Variants in RANBP17 observed in about 807,000 individuals in gnomAD.
RANBP17 encodes the protein ran-binding protein 17.
RANBP17 carries 158 observed loss-of-function variants against 141.2 expected under a neutral mutation model. The ratio of observed to expected loss-of-function variants is 1.12; its 90% confidence interval spans 0.98 to 1.28. The LOEUF is 1.28. Ranked by LOEUF, RANBP17 falls within the 50% of genes most tolerant of loss-of-function variation. The pLI, the probability that RANBP17 is intolerant of heterozygous loss-of-function variation, is 0.00. For synonymous variants in RANBP17, 430 were observed against 450.0 expected (o/e 0.96, Z 0.56); for missense variants, 1,438 against 1,290.7 (o/e 1.11, Z -1.75).
chr5:171,046,706 A>G (rs966890554), intron 14 of RANBP17, among the ~76,000 whole-genome samples: 5 of 152,190 alleles, frequency 3.3e-5, no homozygotes, highest in African/African-American at 1.2e-4. Context: ...AAAAAAATAC[A>G]CAAAATTATA....
intron 14 of RANBP17, among the ~76,000 whole-genome samples, chr5:171,107,355 T>C (rs1754921661): frequency 6.6e-6 from 1 of 152,222 alleles, no homozygotes; most frequent in African/African-American, 2.4e-5. Context: ...TCCCTACGAC[T>C]CTGTTCTAGA....
rs768054206 is a variant in RANBP17 at position 171,299,982 on chromosome 5, A to G, written c.*1124A>G. On this transcript the variant is annotated 3_prime_UTR_variant, in exon 28 of 28. Transcript: ENST00000523189. ...GAAAGGTTGGCCTTACTGTTGAACA[A>G]TAAGTAAATCCACAGGCTCCTGTTG... is the stretch of plus-strand genomic sequence containing the variant. 7.9e-5 allele frequency: 15 copies of G among 188,888 alleles called. No homozygotes were observed. Among genetic ancestry groups the G allele is most frequent in the African/African-American group, 4.7e-5 (2 of 42,990 alleles). 11.7% of individuals were successfully genotyped at this position (188,888 alleles called of 1,614,324 possible).
At chr5:170,954,593 A>G (rs562886742) in intron 13 of RANBP17, among the ~76,000 whole-genome samples, 6 of 148,692 alleles carry the variant, frequency 4.0e-5, no homozygotes, top group Admixed American at 6.8e-5. Flanking sequence ...AATCAAATGC[A>G]ATATCAACAT....
rs758225041 is a variant in RANBP17, at chr5:170,892,570, A to G, written c.423+17A>G. ...TTTCTCCAGGTAAGAAGTCATTGCTACATGGTTAGAACATCACTACTTGCT... is the reference window on the plus strand; with the variant it reads ...TTTCTCCAGGTAAGAAGTCATTGCTGCATGGTTAGAACATCACTACTTGCT... On this transcript the variant is annotated intron_variant, in intron 4 of 27. Transcript: ENST00000523189. 11 of 1,607,780 alleles carry G rather than the reference A, an allele frequency of 6.8e-6. No individual in the cohort carries two copies. The highest frequency in any genetic ancestry group is 9.3e-6 in the Non-Finnish European group (11 of 1,176,680).
At chr5:171,065,490 G>C (rs1784257378) in intron 14 of RANBP17, among the ~76,000 whole-genome samples, 1 of 152,048 alleles carries the variant, frequency 6.6e-6, no homozygotes, top group Non-Finnish European at 1.5e-5. Context: ...AGGTGATAAT[G>C]CTGGCTTGCC....
At chr5:170,954,894 C>T (rs1775492057) in intron 13 of RANBP17, among the ~76,000 whole-genome samples, 1 of 152,194 alleles carries the variant, frequency 6.6e-6, no homozygotes, top group Non-Finnish European at 1.5e-5. Flanking sequence ...TACTGGTCCA[C>T]AGCCTGTTAG....
chr5:170,945,778 A>G (rs1405237222), intron 12 of RANBP17, among the ~76,000 whole-genome samples: 4 of 152,194 alleles, frequency 2.6e-5, no homozygotes, highest in African/African-American at 4.8e-5. Context: ...AAATTCAGCT[A>G]TATCAACAAG....
chr5:170,949,295 G>A (rs1775015698), intron 12 of RANBP17, among the ~76,000 whole-genome samples: 2 of 152,082 alleles, frequency 1.3e-5, no homozygotes, highest in Non-Finnish European at 2.9e-5. Context: ...AGAAAGTACA[G>A]CCCACAGAAT....
At position 170,891,576 on chromosome 5, in the gene RANBP17, G is replaced by A. The variant is rs189826616; in HGVS notation, c.257-811G>A. ...TGGCTCATGGTTCTGCAGGCTGTAC[G>A]GTTAGCATGGCTGGGGAGGCCTCAG... On this transcript the variant is annotated intron_variant, in intron 3 of 27. Coordinates refer to ENST00000523189, the MANE Select transcript of RANBP17 (RefSeq NM_022897.5). Among the ~76,000 whole-genome samples, 206 of 152,262 alleles carry A rather than the reference G, an allele frequency of 1.4e-3. 3 individuals carry two copies. The highest frequency in any genetic ancestry group is 2.2e-3 in the Non-Finnish European group (151 of 68,000).
chr5:171,221,872 A>G lies in RANBP17; in HGVS notation c.2422+32A>G, dbSNP rs200419555. 4.3e-6 allele frequency: 5 copies of G among 1,174,316 alleles called. No homozygotes were observed. In the African/African-American group the frequency reaches 4.6e-5, roughly 11 times the overall value. 72.7% of individuals were successfully genotyped at this position (1,174,316 alleles called of 1,614,324 possible). Reference sequence around the variant, plus strand: ...GTCCTTTTCCATATGTGCCTCTGCAATATAGTTTTATCTCTTTAGAGGAAA... The same window carrying G: ...GTCCTTTTCCATATGTGCCTCTGCAGTATAGTTTTATCTCTTTAGAGGAAA... On this transcript the variant is annotated intron_variant, in intron 22 of 27. Transcript: ENST00000523189.
intron 14 of RANBP17, among the ~76,000 whole-genome samples, chr5:171,071,227 A>G (rs1054220761): frequency 1.3e-5 from 2 of 152,056 alleles, no homozygotes; most frequent in Non-Finnish European, 2.9e-5. Context: ...TTTAATGTGT[A>G]TGTCATTAAG....
chr5:171,036,568 C>G (rs10038498), intron 14 of RANBP17, among the ~76,000 whole-genome samples: 102,016 of 152,058 alleles, frequency 0.67, 34,490 homozygotes, highest in South Asian at 0.89. Context: ...AGTGAGCATA[C>G]TACCCATAGT....
chr5:170,871,795 T>G (rs1317523490), intron 1 of RANBP17, among the ~76,000 whole-genome samples: 1 of 152,222 alleles, frequency 6.6e-6, no homozygotes, highest in Non-Finnish European at 1.5e-5. Flanking sequence ...CCATTGCTTG[T>G]TTTTGTCAGG....
In RANBP17 at chr5:170,893,614, A is replaced by G. The variant is rs575340511; in HGVS notation, c.423+1061A>G. ...CGAGACCATCCTGGCTAACACGGTG[A>G]AACCCTGTCTCTACTAAAAACACAA... On this transcript the variant is annotated intron_variant, in intron 4 of 27. Coordinates refer to ENST00000523189, the MANE Select transcript of RANBP17 (RefSeq NM_022897.5). Among the ~76,000 whole-genome samples the G allele has an allele frequency of 4.6e-5, 7 of 152,146 alleles. No homozygotes were observed. The East Asian group carries it at 1.4e-3, about 30-fold the overall frequency.
intron 24 of RANBP17, among the ~76,000 whole-genome samples, chr5:171,249,801 C>G (rs1298913917): frequency 6.6e-6 from 1 of 152,146 alleles, no homozygotes; most frequent in Non-Finnish European, 1.5e-5. Context: ...AAATTGCCAG[C>G]ATCCATGAGA....
At position 171,262,892 on chromosome 5, in the gene RANBP17, T is replaced by G. The variant is rs116820121; in HGVS notation, c.2777-2789T>G. 4.9e-3 allele frequency among the ~76,000 whole-genome samples: 747 copies of G among 152,282 alleles called. 5 individuals carry two copies. Among genetic ancestry groups the G allele is most frequent in the African/African-American group, 0.017 (712 of 41,558 alleles). On this transcript the variant is annotated intron_variant, in intron 24 of 27. Coordinates refer to ENST00000523189, the MANE Select transcript of RANBP17 (RefSeq NM_022897.5). ...CCCCTCATCCCTCATGATCCTGTAT[T>G]AGCTACCATTTTCCTCTGTGTTAAA...
chr5:171,024,294 G>A (rs1464550868), intron 14 of RANBP17, among the ~76,000 whole-genome samples: 2 of 152,160 alleles, frequency 1.3e-5, no homozygotes, highest in Non-Finnish European at 2.9e-5. Flanking sequence ...GGTAATATTT[G>A]ACTTTAGCCT....
At chr5:171,090,227 G>C (rs1195585263) in intron 14 of RANBP17, among the ~76,000 whole-genome samples, 1 of 152,216 alleles carries the variant, frequency 6.6e-6, no homozygotes, top group African/African-American at 2.4e-5. Context: ...AATCCAGGCT[G>C]AGGTGGTCTC....
At chr5:170,904,756 T>G (rs1473083306) in intron 5 of RANBP17, among the ~76,000 whole-genome samples, 5 of 152,206 alleles carry the variant, frequency 3.3e-5, no homozygotes, top group Non-Finnish European at 2.9e-5. Flanking sequence ...TATTTAGGCA[T>G]TTATACACTG....
Sources: gnomAD v4.1 joint callset for allele counts (sites outside exome capture counted in the v4.1 genomes callset) on GRCh38, gnomAD v4.1.1 for gene constraint, MANE v1.5 for transcripts, NCBI Gene and HGNC (gene_info 2026-07-23, HGNC 2026-07-21) for gene names.